Variants in LINS1 observed in about 807,000 individuals in gnomAD.
The protein encoded by LINS1 is lines homolog 1.
A neutral mutation model predicts 41.6 loss-of-function variants in LINS1; 27 were observed. The observed-to-expected ratio is 0.65, with a 90% confidence interval of 0.48 to 0.89. LINS1 has a LOEUF of 0.89. LINS1 is among the 40% of genes least tolerant of loss of function. The pLI is 0.00. For missense variants in LINS1, 955 were observed against 884.1 expected (o/e 1.08, Z -1.02); for synonymous variants, 336 against 312.9 (o/e 1.07, Z -0.78).
intron 1 of LINS1, among the ~76,000 whole-genome samples, chr15:100,598,920 T>C (rs1187648823): frequency 2.6e-5 from 4 of 152,190 alleles, no homozygotes; most frequent in African/African-American, 9.6e-5. Flanking sequence ...CACAGCCTCC[T>C]GGGCAGTGGT....
At chr15:100,571,756 A>C in intron 6 of LINS1, 138 bp downstream of exon 6, 1 of 1,008,404 alleles carries the variant, frequency 9.9e-7, no homozygotes, top group Non-Finnish European at 1.5e-6. Flanking sequence ...CATGTAAGTC[A>C]GGGTTAAAGA....
chr15:100,601,395 C>T (rs2039486945), intron 1 of LINS1, among the ~76,000 whole-genome samples: 1 of 152,096 alleles, frequency 6.6e-6, no homozygotes, highest in Non-Finnish European at 1.5e-5. Context: ...GTTCTACCTC[C>T]GTGATAACCC....
At chr15:100,596,164 G>T (rs182032732) in intron 1 of LINS1, among the ~76,000 whole-genome samples, 3 of 152,280 alleles carry the variant, frequency 2.0e-5, no homozygotes, top group East Asian at 3.9e-4. Context: ...AGGGCTAAAG[G>T]GGGTGCTGGC....
Position 100,569,339 on chromosome 15 carries a change from G to A in LINS1, c.2173C>T (p.Arg725Cys), listed in dbSNP as rs371728866. The A allele has an allele frequency of 7.4e-6, 12 of 1,613,914 alleles. No individual in the cohort carries two copies. The highest frequency in any genetic ancestry group is 4.5e-5 in the East Asian group (2 of 44,880). ...CFQELQDAIC[R>C]LQKKNLFPYN... ...GGGAAAAGATTTTTCTTTTGCAAAC[G>A]GCAGATGGCATCTTGTAGTTCCTGG... Residue 725 changes from arginine (R) to cysteine (C), a missense_variant, in exon 7 of 7, where the codon CGT becomes TGT. Transcript: ENST00000314742.
chr15:100,573,328 G>T, intron 5 of LINS1: 1 of 1,083,164 alleles, frequency 9.2e-7, no homozygotes, highest in Non-Finnish European at 1.2e-6. Context: ...AAAAAAAAAA[G>T]GATTAATATA....
chr15:100,580,467 A>T lies in LINS1; in HGVS notation c.376T>A (p.Ser126Thr). 8 of 1,614,014 alleles carry T rather than the reference A, an allele frequency of 5.0e-6. No homozygotes were observed. Among genetic ancestry groups the T allele is most frequent in the Non-Finnish European group, 6.8e-6 (8 of 1,179,940 alleles). The change falls in exon 2 of 7, where the codon TCA becomes ACA. Residue 126 changes from serine (S) to threonine (T), a missense_variant. Coordinates refer to ENST00000314742, the MANE Select transcript of LINS1 (RefSeq NM_001040616.3). ...ACTAATTTAGAATCGACTTTGGCTG[A>T]TTCTAAGAGAATTTTAATTACATCT... ...YRDVIKILLE[S>T]AKVDSKLICM...
chr15:100,600,053 G>A (rs1284540357), intron 1 of LINS1, among the ~76,000 whole-genome samples: 2 of 152,126 alleles, frequency 1.3e-5, no homozygotes, highest in Non-Finnish European at 2.9e-5. Context: ...GCGACAGAGG[G>A]AGACTCCATC....
chr15:100,582,221 TC>T (rs145368189), intron 1 of LINS1, among the ~76,000 whole-genome samples: 5,406 of 146,484 alleles, frequency 0.037, 149 homozygotes, highest in Middle Eastern at 0.096. Context: ...ACTAGCCTAG[TC>T]TTGGTCTTAC....
intron 1 of LINS1, among the ~76,000 whole-genome samples, chr15:100,599,665 T>C (rs1325173635): frequency 6.6e-6 from 1 of 152,244 alleles, no homozygotes; most frequent in Non-Finnish European, 1.5e-5. Flanking sequence ...ATTTATTCAT[T>C]TCTCTCTCCC....
chr15:100,589,762 G>A (rs2038954488), intron 1 of LINS1, among the ~76,000 whole-genome samples: 1 of 152,024 alleles, frequency 6.6e-6, no homozygotes, highest in Non-Finnish European at 1.5e-5. Flanking sequence ...GCCATTTAAG[G>A]GATTTTATTC....
At chr15:100,589,396 C>G (rs1172148279) in intron 1 of LINS1, among the ~76,000 whole-genome samples, 1 of 152,162 alleles carries the variant, frequency 6.6e-6, no homozygotes, top group Non-Finnish European at 1.5e-5. Context: ...GTTTTAGATA[C>G]ATATTTTGAA....
At chr15:100,577,259 A>C (rs1484468333) in intron 3 of LINS1, among the ~76,000 whole-genome samples, 1 of 152,226 alleles carries the variant, frequency 6.6e-6, no homozygotes, top group East Asian at 1.9e-4. Context: ...AGATGACATG[A>C]TTGTATATCT....
chr15:100,597,505 A>G (rs1462821925), intron 1 of LINS1, among the ~76,000 whole-genome samples: 1 of 152,222 alleles, frequency 6.6e-6, no homozygotes, highest in Non-Finnish European at 1.5e-5. Flanking sequence ...CCACTGCACA[A>G]TCTACTTGAT....
At chr15:100,573,351 T>C in intron 5 of LINS1, 2 of 1,219,340 alleles carry the variant, frequency 1.6e-6, no homozygotes, top group Non-Finnish European at 2.1e-6. Flanking sequence ...TAAAATGCTG[T>C]AAATACTTGA....
rs548257419 is a variant in LINS1, at chr15:100,583,784, C to T, written c.-103-2839G>A. Among the ~76,000 whole-genome samples, 281 of 152,306 alleles carry T rather than the reference C, an allele frequency of 1.8e-3. 1 individual carries two copies. The highest frequency in any genetic ancestry group is 6.3e-3 in the African/African-American group (262 of 41,564). Reference sequence around the variant, plus strand: ...ACTCTCCCTATTGCAACTGCCTGAACAAAATAATCTCCTTAATTGCCTGAT... The same window carrying T: ...ACTCTCCCTATTGCAACTGCCTGAATAAAATAATCTCCTTAATTGCCTGAT... On this transcript the variant is annotated intron_variant, in intron 1 of 6. Coordinates refer to ENST00000314742, the MANE Select transcript of LINS1 (RefSeq NM_001040616.3).
At chr15:100,585,267 C>T (rs1391577188) in intron 1 of LINS1, among the ~76,000 whole-genome samples, 2 of 152,198 alleles carry the variant, frequency 1.3e-5, no homozygotes, top group African/African-American at 4.8e-5. Flanking sequence ...AAAGGGGATG[C>T]CCTTGGCAGA....
At chr15:100,574,747 C>A (rs1214098417) in intron 4 of LINS1, among the ~76,000 whole-genome samples, 3 of 152,112 alleles carry the variant, frequency 2.0e-5, no homozygotes, top group African/African-American at 7.2e-5. Context: ...ATTCATTTTA[C>A]GAATATCAGT....
At position 100,580,247 on chromosome 15, in the gene LINS1, T is replaced by A. The variant is rs762130903; in HGVS notation, c.489+16A>T. On this transcript the variant is annotated intron_variant, in intron 3 of 6. Coordinates refer to ENST00000314742, the MANE Select transcript of LINS1 (RefSeq NM_001040616.3). Reference sequence around the variant, plus strand: ...AAGAAAGAGAAATAATAACATACTTTGATTACTTATCTTACCTTTTCTCTC... The same window carrying A: ...AAGAAAGAGAAATAATAACATACTTAGATTACTTATCTTACCTTTTCTCTC... The A allele has an allele frequency of 1.3e-6, 2 of 1,533,844 alleles. No homozygotes were observed. Among genetic ancestry groups the A allele is most frequent in the African/African-American group, 1.4e-5 (1 of 72,832 alleles).
chr15:100,594,387 C>T (rs1458028951), intron 1 of LINS1, among the ~76,000 whole-genome samples: 3 of 152,048 alleles, frequency 2.0e-5, no homozygotes, highest in Admixed American at 6.6e-5. Flanking sequence ...TTAATGATCA[C>T]GAATCTTGTG....
Sources: gnomAD v4.1 joint callset for allele counts (sites outside exome capture counted in the v4.1 genomes callset) on GRCh38, gnomAD v4.1.1 for gene constraint, MANE v1.5 for transcripts, NCBI Gene and HGNC (gene_info 2026-07-23, HGNC 2026-07-21) for gene names.